The following CD9 variants were observed in gnomAD, a reference collection of about 807,000 sequenced individuals.
CD9 encodes the protein CD9 molecule.
In CD9, 10 loss-of-function variants were observed where a neutral mutation model predicts 31.4. That is an observed-to-expected ratio of 0.32 (90% CI 0.20 to 0.54). The LOEUF (loss-of-function observed/expected upper bound fraction) is 0.54. Among genes scored for constraint, CD9 ranks in the 20% least tolerant of loss-of-function variants. The probability of loss-of-function intolerance (pLI) is 0.94; values close to 1 mark genes in which losing one functional copy is unlikely to be tolerated. For synonymous variants in CD9, 113 were observed against 114.1 expected (o/e 0.99, Z 0.06); for missense variants, 259 against 300.1 (o/e 0.86, Z 1.01).
chr12:6,225,215 T>C, intron 1 of CD9: 1 of 562,340 alleles, frequency 1.8e-6, no homozygotes, highest in Non-Finnish European at 3.2e-6. Context: ...GGGCGGCAGG[T>C]AGGTCACTGT....
intron 7 of CD9, 141 bp downstream of exon 7, chr12:6,236,416 T>A: frequency 2.8e-6 from 2 of 705,914 alleles, no homozygotes; most frequent in Non-Finnish European, 4.8e-6. Context: ...ATTTTACCAC[T>A]AGGGAATGGA....
intron 2 of CD9, among the ~76,000 whole-genome samples, chr12:6,226,511 T>C (rs963955811): frequency 1.3e-5 from 2 of 152,150 alleles, no homozygotes; most frequent in African/African-American, 4.8e-5. Flanking sequence ...AACAGTTATC[T>C]CCCAGTCCCT....
At chr12:6,204,257 T>C (rs1387024043) in intron 1 of CD9, among the ~76,000 whole-genome samples, 1 of 152,130 alleles carries the variant, frequency 6.6e-6, no homozygotes, top group African/African-American at 2.4e-5. Flanking sequence ...AATAGAACTC[T>C]CCTACACAAC....
chr12:6,234,621 CAG>C (rs1946492191), intron 4 of CD9, among the ~76,000 whole-genome samples: 1 of 152,230 alleles, frequency 6.6e-6, no homozygotes, highest in South Asian at 2.1e-4. Flanking sequence ...AAGGGGCAGA[CAG>C]ACATTAAATT....
chr12:6,200,860 A>G (rs1946067429), intron 1 of CD9: 2 of 338,070 alleles, frequency 5.9e-6, no homozygotes, highest in East Asian at 5.2e-5. Flanking sequence ...TAGCTCGCCT[A>G]GGATTTGAGC....
At chr12:6,209,193 C>T (rs1165371697) in intron 1 of CD9, among the ~76,000 whole-genome samples, 1 of 152,138 alleles carries the variant, frequency 6.6e-6, no homozygotes, top group African/African-American at 2.4e-5. Flanking sequence ...GGTCTCACCT[C>T]AGGTGATCCA....
At chr12:6,216,324 C>T (rs776731497) in intron 1 of CD9, among the ~76,000 whole-genome samples, 14 of 152,180 alleles carry the variant, frequency 9.2e-5, no homozygotes, top group Non-Finnish European at 1.9e-4. Context: ...AAACTTGCAT[C>T]CCCAGTATTT....
intron 2 of CD9, among the ~76,000 whole-genome samples, chr12:6,227,811 C>T (rs997080026): frequency 2.0e-4 from 30 of 152,146 alleles, no homozygotes; most frequent in Non-Finnish European, 2.2e-4. Flanking sequence ...GATGGGGTGG[C>T]GCTGTCTTGG....
chr12:6,211,853 A>G (rs1415176356), intron 1 of CD9, among the ~76,000 whole-genome samples: 1 of 152,150 alleles, frequency 6.6e-6, no homozygotes, highest in Non-Finnish European at 1.5e-5. Context: ...GTTTAGAAAG[A>G]GGTTACCTTG....
In CD9 at chr12:6,236,240, A is replaced by G; in HGVS notation, c.586A>G (p.Ile196Val). The G allele has an allele frequency of 6.2e-7, 1 of 1,614,172 alleles. No homozygotes were observed. Among genetic ancestry groups the G allele is most frequent in the Non-Finnish European group, 8.5e-7 (1 of 1,180,024 alleles). Residue 196 changes from isoleucine (I) to valine (V), a missense_variant, in exon 7 of 8, where the codon ATC becomes GTC. Ile to Val is a conservative substitution (Grantham distance 29). Coordinates refer to ENST00000009180, the MANE Select transcript of CD9 (RefSeq NM_001769.4). ...KEVFDNKFHI[I>V]GAVGIGIAVV... ...GGTCTTCGACAATAAATTCCACATC[A>G]TCGGCGCAGTGGGCATCGGCATTGC...
chr12:6,211,773 A>C (rs1392672369), intron 1 of CD9, among the ~76,000 whole-genome samples: 1 of 152,132 alleles, frequency 6.6e-6, no homozygotes, highest in Admixed American at 6.6e-5. Context: ...TGGAAAAGGG[A>C]TTTATGGGCT....
intron 2 of CD9, among the ~76,000 whole-genome samples, chr12:6,231,628 G>A (rs1946447837): frequency 6.6e-6 from 1 of 152,254 alleles, no homozygotes; most frequent in Non-Finnish European, 1.5e-5. Context: ...AATGGGGCCA[G>A]TGCTGCTCTA....
At chr12:6,227,954 C>T (rs1329011329) in intron 2 of CD9, among the ~76,000 whole-genome samples, 1 of 152,190 alleles carries the variant, frequency 6.6e-6, no homozygotes, top group Non-Finnish European at 1.5e-5. Context: ...TGGGGCTCAC[C>T]TCTGGGAACC....
chr12:6,230,565 G>A (rs761019256), intron 2 of CD9, among the ~76,000 whole-genome samples: 2 of 152,180 alleles, frequency 1.3e-5, no homozygotes, highest in Non-Finnish European at 2.9e-5. Flanking sequence ...TTCAGCCCCT[G>A]CTATGGAGCT....
At chr12:6,224,822 A>G (rs1274712476) in intron 1 of CD9, among the ~76,000 whole-genome samples, 1 of 152,152 alleles carries the variant, frequency 6.6e-6, no homozygotes, top group African/African-American at 2.4e-5. Flanking sequence ...GCAGGTCTCC[A>G]GGGACATTGC....
At chr12:6,218,754 G>T (rs543232808) in intron 1 of CD9, among the ~76,000 whole-genome samples, 1 of 152,260 alleles carries the variant, frequency 6.6e-6, no homozygotes, top group Admixed American at 6.5e-5. Context: ...ATCTTTGCGT[G>T]GGAGCCTTGG....
intron 2 of CD9, among the ~76,000 whole-genome samples, chr12:6,231,741 G>A (rs1946449169): frequency 6.6e-6 from 1 of 152,168 alleles, no homozygotes; most frequent in African/African-American, 2.4e-5. Flanking sequence ...CAGATCAAGG[G>A]CTTAGTAATG....
intron 1 of CD9, among the ~76,000 whole-genome samples, chr12:6,215,041 A>T (rs1329332628): frequency 6.6e-6 from 1 of 151,946 alleles, no homozygotes; most frequent in East Asian, 1.9e-4. Context: ...AATGGTCACA[A>T]TGCCGCATTT....
At position 6,237,979 on chromosome 12, in the gene CD9, A is replaced by C; in HGVS notation, c.*151A>C. On this transcript the variant is annotated 3_prime_UTR_variant, in exon 8 of 8. Coordinates refer to ENST00000009180, the MANE Select transcript of CD9 (RefSeq NM_001769.4). ...GCATTGCTAGATAAAAGCTGAAGTT[A>C]CTTTATGTTTGTCTTTTAATGCTTC... The C allele has an allele frequency of 3.5e-6, 2 of 564,338 alleles. No homozygotes were observed. Among genetic ancestry groups the C allele is most frequent in the South Asian group, 2.2e-5 (1 of 45,868 alleles). The allele number at this position is 564,338 out of a possible 1,614,324, so 35.0% of individuals were successfully genotyped here. A position where few individuals can be genotyped will look rare whatever the true frequency, so the allele number is the denominator to read the frequency against.
Sources: gnomAD v4.1 joint callset for allele counts (sites outside exome capture counted in the v4.1 genomes callset) on GRCh38, gnomAD v4.1.1 for gene constraint, MANE v1.5 for transcripts, NCBI Gene and HGNC (gene_info 2026-07-23, HGNC 2026-07-21) for gene names.